Variants in ST14 observed in about 807,000 individuals in gnomAD.
ST14 encodes suppressor of tumorigenicity 14 protein.
A neutral mutation model predicts 96.5 loss-of-function variants in ST14; 40 were observed. That is an observed-to-expected ratio of 0.41 (90% CI 0.32 to 0.54). ST14 has a LOEUF of 0.54. ST14 is among the 20% of genes least tolerant of loss of function. The pLI is 0.17. For synonymous variants in ST14, 506 were observed against 492.1 expected, an observed-to-expected ratio of 1.03 and a Z score of -0.37; for missense variants, 1,066 against 1,188.9, an observed-to-expected ratio of 0.90 and a Z score of 1.52.
At position 130,165,672 on chromosome 11, in the gene ST14, G is replaced by A. The variant is rs539112306; in HGVS notation, c.81+5612G>A. Among the ~76,000 whole-genome samples, 17 of 152,262 alleles carry A rather than the reference G, an allele frequency of 1.1e-4. No homozygotes were observed. The South Asian group carries it at 2.1e-3, about 19-fold the overall frequency. On this transcript the variant is annotated intron_variant, in intron 1 of 18. Coordinates refer to ENST00000278742, the MANE Select transcript of ST14 (RefSeq NM_021978.4). ...TGGTGGGGATGATGATGGTGGTGGC[G>A]ATGTTGAAAGGGTGGAGAAGAATGT... is the stretch of plus-strand genomic sequence containing the variant.
chr11:130,197,662 C>T (rs112974836), intron 11 of ST14, among the ~76,000 whole-genome samples, 179 bp from the exon 12 acceptor site: 109 of 152,362 alleles, frequency 7.2e-4, no homozygotes, highest in African/African-American at 2.3e-3. Context: ...ACACTAGCTG[C>T]GGGTGCAGGA....
At position 130,198,490 on chromosome 11, in the gene ST14, G is replaced by C; in HGVS notation, c.1571-18G>C. On this transcript the variant is annotated intron_variant, in intron 13 of 18. Coordinates refer to ENST00000278742, the MANE Select transcript of ST14 (RefSeq NM_021978.4). ...ACTGACGGTGGCTCCTGGTGGCTGA[G>C]TCCTGGTGCCTCTCCAGGTTGTCCG... 1.2e-6 allele frequency: 2 copies of C among 1,613,166 alleles called. No individual in the cohort carries two copies. Among genetic ancestry groups the C allele is most frequent in the Non-Finnish European group, 1.7e-6 (2 of 1,179,232 alleles).
chr11:130,164,718 C>A (rs1953027448), intron 1 of ST14, among the ~76,000 whole-genome samples: 2 of 141,590 alleles, frequency 1.4e-5, no homozygotes, highest in African/African-American at 5.5e-5. Context: ...CACACCCAGC[C>A]TTATTATTAT....
chr11:130,188,511 G>A lies in ST14; in HGVS notation c.242-19G>A, dbSNP rs73585201. On this transcript the variant is annotated intron_variant, in intron 2 of 18. Transcript: ENST00000278742. The surrounding 1 kb of genome is among the most constrained non-coding windows in gnomAD (Gnocchi z 5.4). ...GTGGTACCACCTCCCCTGACTGAGC[G>A]CCTTCTGGTCTCACACAGACCGGGA... The A allele has an allele frequency of 2.6e-3, 4,200 of 1,612,662 alleles. 72 individuals carry two copies. In the African/African-American group the frequency reaches 0.043, roughly 16 times the overall value.
intron 17 of ST14, 73 bp from the exon 18 acceptor site, chr11:130,209,369 C>T (rs1953523509): frequency 6.5e-7 from 1 of 1,540,662 alleles, no homozygotes; most frequent in Non-Finnish European, 8.8e-7. Context: ...GTCCAATGAC[C>T]CGTGGGGAGC....
At chr11:130,197,974 C>G (rs1031508601) in intron 12 of ST14, 29 bp downstream of exon 12, 1 of 1,545,952 alleles carries the variant, frequency 6.5e-7, no homozygotes, top group Non-Finnish European at 8.7e-7. Flanking sequence ...CCCGGTCTCC[C>G]CACCCTCCTT....
At position 130,194,300 on chromosome 11, in the gene ST14, C is replaced by T. The variant is rs767766644; in HGVS notation, c.1015+12C>T. The stretch of plus-strand genomic sequence containing the variant: ...GCCTAGGATGAGCAGTAAGGAAGGG[C>T]AGGGCAGGGCGGGACTGCCCTCGGG... On this transcript the variant is annotated intron_variant, in intron 8 of 18. Coordinates refer to ENST00000278742, the MANE Select transcript of ST14 (RefSeq NM_021978.4). The T allele has an allele frequency of 6.2e-7, 1 of 1,614,058 alleles. No individual in the cohort carries two copies. Among genetic ancestry groups the T allele is most frequent in the Non-Finnish European group, 8.5e-7 (1 of 1,179,942 alleles).
At chr11:130,203,581 GTC>G (rs1953454480) in intron 16 of ST14, among the ~76,000 whole-genome samples, 1 of 152,258 alleles carries the variant, frequency 6.6e-6, no homozygotes, top group African/African-American at 2.4e-5. Flanking sequence ...CGTCCGTGCA[GTC>G]TCAGTCTCCA....
intron 4 of ST14, 52 bp from the exon 5 acceptor site, chr11:130,189,687 G>A (rs1202301364): frequency 4.4e-6 from 7 of 1,600,840 alleles, no homozygotes; most frequent in Admixed American, 1.7e-5. Context: ...CTGGGCGCAC[G>A]TGGGGGAAAT....
intron 16 of ST14, among the ~76,000 whole-genome samples, chr11:130,207,331 G>A (rs1303951233): frequency 6.6e-6 from 1 of 152,054 alleles, no homozygotes; most frequent in Non-Finnish European, 1.5e-5. Flanking sequence ...TGGGCTGGTC[G>A]TTTGAGGTCA....
intron 16 of ST14, among the ~76,000 whole-genome samples, chr11:130,202,262 G>A (rs1250932862): frequency 6.6e-6 from 1 of 152,064 alleles, no homozygotes; most frequent in East Asian, 1.9e-4. Context: ...TCATGCTTCT[G>A]CCAACGAGTA....
At position 130,188,759 on chromosome 11, in the gene ST14, T is replaced by C; in HGVS notation, c.369+102T>C. ...CGCCTGTGCTCCCAGGGCCCTGGGA[T>C]GGGGGTGATCTGCAAAGGGGACCCG... On this transcript the variant is annotated intron_variant, in intron 3 of 18. Transcript: ENST00000278742. The surrounding 1 kb of genome is among the most constrained non-coding windows in gnomAD (Gnocchi z 5.4). The C allele has an allele frequency of 1.2e-6, 2 of 1,602,790 alleles. No homozygotes were observed. The highest frequency in any genetic ancestry group is 1.7e-6 in the Non-Finnish European group (2 of 1,170,966).
At chr11:130,201,480 C>T (rs565604610) in intron 16 of ST14, among the ~76,000 whole-genome samples, 1 of 152,240 alleles carries the variant, frequency 6.6e-6, no homozygotes. Flanking sequence ...GTGCTCAGAC[C>T]CATGCACAGG....
chr11:130,198,446 C>A, intron 13 of ST14, 28 bp downstream of exon 13: 1 of 1,518,794 alleles, frequency 6.6e-7, no homozygotes, highest in Non-Finnish European at 9.1e-7. Flanking sequence ...GCTGCCTGGG[C>A]GGGCAGGTGG....
chr11:130,188,008 C>T lies in ST14; in HGVS notation c.82-106C>T. 5 of 1,498,592 alleles carry T rather than the reference C, an allele frequency of 3.3e-6. No individual in the cohort carries two copies. Among genetic ancestry groups the T allele is most frequent in the Non-Finnish European group, 3.6e-6 (4 of 1,104,858 alleles). 92.8% of individuals were successfully genotyped at this position (1,498,592 alleles called of 1,614,324 possible). A position where few individuals can be genotyped will look rare whatever the true frequency, so the allele number is the denominator to read the frequency against. On this transcript the variant is annotated intron_variant, in intron 1 of 18. Transcript: ENST00000278742. The surrounding 1 kb of genome is among the most constrained non-coding windows in gnomAD (Gnocchi z 5.4). ...CCCCTTCTTCTCACCCAAGCCCCTG[C>T]TTTCTTCTCCAAGCTGGACCTCACA...
chr11:130,183,257 G>T (rs568259148), intron 1 of ST14, among the ~76,000 whole-genome samples: 2 of 152,296 alleles, frequency 1.3e-5, no homozygotes, highest in East Asian at 3.9e-4. Context: ...ACCACACCCG[G>T]CCTACATTTC....
In ST14 at chr11:130,198,431, G is replaced by T; in HGVS notation, c.1570+13G>T. 6.2e-7 allele frequency: 1 copy of T among 1,613,866 alleles called. No homozygotes were observed. The highest frequency in any genetic ancestry group is 8.5e-7 in the Non-Finnish European group (1 of 1,179,822). Reference sequence around the variant, plus strand: ...GAGCAGGGGTGCAGTGAGTGCTGGGGAGGGGCTGCCTGGGCGGGCAGGTGG... The same window carrying T: ...GAGCAGGGGTGCAGTGAGTGCTGGGTAGGGGCTGCCTGGGCGGGCAGGTGG... On this transcript the variant is annotated intron_variant, in intron 13 of 18. Transcript: ENST00000278742.
chr11:130,168,090 T>A (rs1470262201), intron 1 of ST14, among the ~76,000 whole-genome samples: 1 of 152,244 alleles, frequency 6.6e-6, no homozygotes, highest in East Asian at 1.9e-4. Context: ...CGATTTTTGA[T>A]TGCCTTATAA....
In ST14 at chr11:130,188,542, G is replaced by A. The variant is rs62621285; in HGVS notation, c.254G>A (p.Arg85His). Residue 85 changes from arginine to histidine, a missense_variant, in exon 3 of 19, where the codon CGT becomes CAT. Coordinates refer to ENST00000278742, the MANE Select transcript of ST14 (RefSeq NM_021978.4). This position sits in a 1 kb window ranked among gnomAD's most constrained non-coding sequence, Gnocchi z 5.4. ...TGGTCTCACACAGACCGGGACGTGC[G>A]TGTCCAGAAGGTCTTCAATGGCTAC... ...LVWHLQYRDV[R>H]VQKVFNGYMR... 0.042 allele frequency: 68,033 copies of A among 1,614,070 alleles called. 1,982 individuals carry two copies. Among genetic ancestry groups the A allele is most frequent in the Admixed American group, 0.14 (8,523 of 60,020 alleles).
Sources: allele counts gnomAD v4.1 joint callset (sites outside exome capture counted in the v4.1 genomes callset), GRCh38; gene constraint gnomAD v4.1.1; non-coding constraint Gnocchi (gnomAD v3.1); transcripts MANE v1.5; gene names NCBI Gene and HGNC (gene_info 2026-07-23, HGNC 2026-07-21).